The following TRPV1 variants were observed in gnomAD, a reference collection of about 807,000 sequenced individuals.
TRPV1 encodes the protein OTRPC1.
A neutral mutation model predicts 82.3 loss-of-function variants in TRPV1; 82 were observed. That is an observed-to-expected ratio of 1.00 (90% confidence interval 0.83 to 1.20). The LOEUF is 1.20. Among genes scored for constraint, TRPV1 ranks in the 50% most tolerant of loss-of-function variants. The pLI is 0.00. For synonymous variants in TRPV1, 515 were observed against 467.7 expected (o/e 1.10, Z -1.30); for missense variants, 1,067 against 1,096.8 (o/e 0.97, Z 0.38).
At chr17:3,568,333 A>AG (rs1433033341) in intron 16 of TRPV1, among the ~76,000 whole-genome samples, 1 of 151,880 alleles carries the variant, frequency 6.6e-6, no homozygotes, top group Non-Finnish European at 1.5e-5. Context: ...AAAAAAAAAA[A>AG]AAAAGAAAAG....
At position 3,588,945 on chromosome 17, in the gene TRPV1, G is replaced by A. The variant is rs192202987; in HGVS notation, c.1045-578C>T. ...CTACCATCTCACCATGAAGGACAGC[G>A]GTGGTCCATTCTCGATAACCTCAAG... On this transcript the variant is annotated intron_variant, in intron 7 of 16. Transcript: ENST00000572705. 3,583 of 1,535,690 alleles carry A rather than the reference G, an allele frequency of 2.3e-3. 8 individuals carry two copies. The highest frequency in any genetic ancestry group is 2.9e-3 in the Non-Finnish European group (3,274 of 1,146,850).
chr17:3,592,155 C>T lies in TRPV1; in HGVS notation c.196G>A (p.Glu66Lys), dbSNP rs772883356. ...GGGCAGGAGTCCAGCTCACCTTCCT[C>T]GTGAGGGCAATCCACCGGGAAAGCC... ...EEAFPVDCPHEEGELDSCPTI... is the reference protein window; with the variant it reads ...EEAFPVDCPHKEGELDSCPTI... Residue 66 changes from glutamate (E) to lysine (K), a missense_variant, in exon 3 of 17, where the codon GAG (glutamate) becomes AAG (lysine). Transcript: ENST00000572705. 2.5e-6 allele frequency: 4 copies of T among 1,613,712 alleles called. No individual in the cohort carries two copies. The highest frequency in any genetic ancestry group is 2.5e-6 in the Non-Finnish European group (3 of 1,179,860).
rs751335667 is a variant in TRPV1 at position 3,577,177 on chromosome 17, G to C, written c.1729C>G (p.Leu577Val). 3.2e-6 allele frequency: 5 copies of C among 1,582,740 alleles called. No individual in the cohort carries two copies. The highest frequency in any genetic ancestry group is 4.3e-6 in the Non-Finnish European group (5 of 1,164,796). Reference protein sequence around the residue: ...VMIEKMILRDLCRFMFVYIVF... With the variant: ...VMIEKMILRDVCRFMFVYIVF... ...ATGTAGACAAACATGAAACGGCACA[G>C]GTCTCTCAGGATCATCTGCAGGAGA... Residue 577 changes from leucine to valine, a missense_variant, in exon 13 of 17, where the codon CTG (leucine) becomes GTG (valine). Leu to Val is a conservative substitution (Grantham distance 32). Coordinates refer to ENST00000572705, the MANE Select transcript of TRPV1 (RefSeq NM_080704.4).
chr17:3,595,024 G>GC (rs2075205898), intron 2 of TRPV1, among the ~76,000 whole-genome samples: 1 of 152,164 alleles, frequency 6.6e-6, no homozygotes, highest in Non-Finnish European at 1.5e-5. Flanking sequence ...CATGGATGAT[G>GC]CTTTGGAAGC....
intron 2 of TRPV1, chr17:3,602,248 G>A (rs1321627197): frequency 6.6e-6 from 1 of 152,226 alleles, no homozygotes; most frequent in Non-Finnish European, 1.5e-5. Context: ...TTGCTTTGCA[G>A]ATTTAAGCAG....
intron 2 of TRPV1, among the ~76,000 whole-genome samples, chr17:3,601,072 TC>T (rs2075258944): frequency 6.6e-6 from 1 of 150,674 alleles, no homozygotes; most frequent in Non-Finnish European, 1.5e-5. Flanking sequence ...CCACATTCAC[TC>T]CCCTCCCGCT....
intron 2 of TRPV1, among the ~76,000 whole-genome samples, chr17:3,603,668 C>T (rs2075279149): frequency 1.3e-5 from 2 of 152,144 alleles, no homozygotes; most frequent in African/African-American, 4.8e-5. Context: ...GCCTGAGGAC[C>T]ACATCTGCTG....
chr17:3,607,220 T>C (rs2075301434), intron 2 of TRPV1, among the ~76,000 whole-genome samples: 1 of 152,026 alleles, frequency 6.6e-6, no homozygotes, highest in Admixed American at 6.6e-5. Flanking sequence ...AGCACATGCC[T>C]GTAATCTCAG....
rs752456868 is a variant in TRPV1 at position 3,571,652 on chromosome 17, G to A, written c.2232-13C>T. The stretch of plus-strand genomic sequence containing the variant: ...CACCTCGTCCACCCTGCAGGGTAAG[G>A]GGTCGGGAGAGCCTGAGAGCTGTGC... On this transcript the variant is annotated splice_polypyrimidine_tract_variant and intron_variant, in intron 15 of 16. Transcript: ENST00000572705. 1 of 1,592,358 alleles carries A rather than the reference G, an allele frequency of 6.3e-7. No homozygotes were observed. The highest frequency in any genetic ancestry group is 8.6e-7 in the Non-Finnish European group (1 of 1,167,436).
intron 10 of TRPV1, among the ~76,000 whole-genome samples, chr17:3,582,196 A>AAAAAAAAAAAAAAG (rs2075029558): frequency 7.0e-6 from 1 of 142,512 alleles, no homozygotes; most frequent in Non-Finnish European, 1.5e-5. Flanking sequence ...TCTCAAAAAA[A>AAAAAAAAAAAAAAG]AAAAAAAAAA....
intron 14 of TRPV1, 101 bp downstream of exon 14, chr17:3,573,532 G>GGCCCCCCCCCCCCCC: frequency 3.5e-5 from 9 of 257,076 alleles, no homozygotes; most frequent in South Asian, 1.2e-4. Flanking sequence ...GCCACACACC[G>GGCCCCCCCCCCCCCC]CCCCCACCAC....
intron 10 of TRPV1, among the ~76,000 whole-genome samples, chr17:3,582,162 C>G (rs2075028664): frequency 1.5e-5 from 2 of 134,414 alleles, no homozygotes; most frequent in Admixed American, 8.6e-5. Context: ...TGCACTCCAG[C>G]CTGGGCGAAA....
intron 11 of TRPV1, 109 bp downstream of exon 11, chr17:3,580,348 T>C: frequency 9.2e-7 from 1 of 1,084,612 alleles, no homozygotes; most frequent in Non-Finnish European, 1.4e-6. Context: ...CCTCAGCATG[T>C]TCACTGAGGT....
rs200081884 is a variant in TRPV1 at position 3,568,079 on chromosome 17, G to T, written c.2348-1092C>A. On this transcript the variant is annotated intron_variant, in intron 16 of 16. Transcript: ENST00000572705. ...GGCTCACGCCTGTAATCCCAGCACT[G>T]TGGGAGGCCGAGGCGGGCGGATCAC... Among the ~76,000 whole-genome samples the T allele has an allele frequency of 3.9e-5, 6 of 152,170 alleles. No individual in the cohort carries two copies. The East Asian group carries it at 7.7e-4, about 20-fold the overall frequency.
chr17:3,590,299 T>A lies in TRPV1; in HGVS notation c.698A>T (p.His233Leu), dbSNP rs752292424. 2 of 1,614,000 alleles carry A rather than the reference T, an allele frequency of 1.2e-6. No individual in the cohort carries two copies. Among genetic ancestry groups the A allele is most frequent in the Non-Finnish European group, 1.7e-6 (2 of 1,179,884 alleles). ...ENGADVQAAA[H>L]GDFFKKTKGR... ...TTTGGTTTTCTTAAAGAAGTCCCCA[T>A]GGGCCGCAGCCTGGACGTCTGCTCC... The change falls in exon 6 of 17, where the codon CAT (histidine) becomes CTT (leucine). Residue 233 changes from histidine to leucine, a missense_variant. Coordinates refer to ENST00000572705, the MANE Select transcript of TRPV1 (RefSeq NM_080704.4).
chr17:3,568,921 G>A (rs2074811035), intron 16 of TRPV1, among the ~76,000 whole-genome samples: 1 of 152,106 alleles, frequency 6.6e-6, no homozygotes, highest in Admixed American at 6.6e-5. Context: ...ATACACCGTG[G>A]AATACTATGC....
chr17:3,588,917 G>T, intron 7 of TRPV1: 1 of 1,535,628 alleles, frequency 6.5e-7, no homozygotes, highest in Non-Finnish European at 8.7e-7. Context: ...CGAGGCCCCA[G>T]CTCTACCATC....
chr17:3,596,140 C>A (rs150497457), intron 2 of TRPV1, among the ~76,000 whole-genome samples: 1 of 152,220 alleles, frequency 6.6e-6, no homozygotes, highest in African/African-American at 2.4e-5. Context: ...CTAAAAGAAT[C>A]GATTCTGCCC....
intron 10 of TRPV1, 112 bp from the exon 11 acceptor site, chr17:3,580,639 GCA>G: frequency 1.8e-6 from 2 of 1,135,874 alleles, no homozygotes; most frequent in South Asian, 1.2e-5. Flanking sequence ...ATGTGTGAAA[GCA>G]CAGATTGTGA....
Sources: gnomAD v4.1 joint callset for allele counts (sites outside exome capture counted in the v4.1 genomes callset) on GRCh38, gnomAD v4.1.1 for gene constraint, MANE v1.5 for transcripts, NCBI Gene and HGNC (gene_info 2026-07-23, HGNC 2026-07-21) for gene names.